The following ITGBL1 variants were observed in gnomAD, a reference collection of about 807,000 sequenced individuals.
The protein encoded by ITGBL1 is integrin beta-like protein 1.
Under a neutral mutation model 68.5 loss-of-function variants are expected in ITGBL1, and 51 were observed. That is an observed-to-expected ratio of 0.74 (90% CI 0.59 to 0.94). ITGBL1 has a LOEUF of 0.94. ITGBL1 is among the 40% of genes least tolerant of loss of function. The probability of loss-of-function intolerance (pLI) is 0.00; values close to 1 mark genes in which losing one functional copy is unlikely to be tolerated. For synonymous variants in ITGBL1, 209 were observed against 227.3 expected, an observed-to-expected ratio of 0.92 and a Z score of 0.72; for missense variants, 649 against 647.4, an observed-to-expected ratio of 1.00 and a Z score of -0.03.
chr13:101,571,039 A>G (rs1292722453), intron 3 of ITGBL1, among the ~76,000 whole-genome samples: 2 of 152,166 alleles, frequency 1.3e-5, no homozygotes, highest in Non-Finnish European at 2.9e-5. Context: ...ATGTACACAT[A>G]CACATACATG....
At chr13:101,587,808 T>G (rs971947271) in intron 6 of ITGBL1, among the ~76,000 whole-genome samples, 1 of 152,136 alleles carries the variant, frequency 6.6e-6, no homozygotes, top group African/African-American at 2.4e-5. Context: ...CAGACCACAT[T>G]TTCTTGAAAG....
chr13:101,665,126 G>C (rs2033183870), intron 7 of ITGBL1, among the ~76,000 whole-genome samples: 2 of 152,100 alleles, frequency 1.3e-5, no homozygotes, highest in Non-Finnish European at 2.9e-5. Flanking sequence ...CAAGGCTTTG[G>C]CTATTTGTAT....
At chr13:101,504,614 C>T (rs1729630700) in intron 2 of ITGBL1, among the ~76,000 whole-genome samples, 1 of 152,132 alleles carries the variant, frequency 6.6e-6, no homozygotes, top group Non-Finnish European at 1.5e-5. Context: ...TTAATTGAAA[C>T]ACGGCCTGTA....
chr13:101,494,859 T>C (rs776825738), intron 2 of ITGBL1, among the ~76,000 whole-genome samples: 32 of 152,204 alleles, frequency 2.1e-4, no homozygotes, highest in Non-Finnish European at 3.7e-4. Context: ...GTTAGGTTGA[T>C]GATATTATAA....
intron 4 of ITGBL1, among the ~76,000 whole-genome samples, chr13:101,578,608 G>A (rs975392691): frequency 5.3e-5 from 8 of 152,166 alleles, no homozygotes; most frequent in Admixed American, 4.6e-4. Context: ...AGAGGTGGGA[G>A]CTGAAAGAGG....
intron 2 of ITGBL1, among the ~76,000 whole-genome samples, chr13:101,465,183 A>G (rs922741990): frequency 4.6e-5 from 7 of 152,216 alleles, no homozygotes; most frequent in African/African-American, 1.7e-4. Flanking sequence ...AAGAGAAAAC[A>G]GCTTCTTTTC....
Position 101,703,534 on chromosome 13 carries a change from G to A in ITGBL1, c.1133-3222G>A, listed in dbSNP as rs1476323256. 3.9e-5 allele frequency among the ~76,000 whole-genome samples: 6 copies of A among 152,298 alleles called. No individual in the cohort carries two copies. The East Asian group carries it at 1.2e-3, about 29-fold the overall frequency. ...AAGTTATACGGGACTAAATATCAAG[G>A]CAAGTTGTGCTGTAGGAATCTACGA... On this transcript the variant is annotated intron_variant, in intron 8 of 10. Transcript: ENST00000376180.
At chr13:101,481,135 C>CAT (rs1403719962) in intron 2 of ITGBL1, among the ~76,000 whole-genome samples, 1 of 141,016 alleles carries the variant, frequency 7.1e-6, no homozygotes, top group African/African-American at 2.6e-5. Flanking sequence ...TACACATGTG[C>CAT]ATATATATAT....
At chr13:101,706,947 CATG>C (rs759256567) in intron 9 of ITGBL1, 45 bp downstream of exon 9, 12 of 1,586,962 alleles carry the variant, frequency 7.6e-6, no homozygotes, top group African/African-American at 1.3e-5. Context: ...TGTTCTGACA[CATG>C]ATTTGTAGAA....
At chr13:101,685,895 G>A (rs2033743524) in intron 7 of ITGBL1, among the ~76,000 whole-genome samples, 1 of 151,954 alleles carries the variant, frequency 6.6e-6, no homozygotes, top group African/African-American at 2.4e-5. Flanking sequence ...ATAGAAGAAA[G>A]TATTTCCCAA....
chr13:101,707,870 AAAG>A, intron 9 of ITGBL1, among the ~76,000 whole-genome samples: 1 of 151,938 alleles, frequency 6.6e-6, no homozygotes, highest in Admixed American at 6.5e-5. Flanking sequence ...AAAAAAAAAA[AAAG>A]GTAATAATTA....
intron 2 of ITGBL1, among the ~76,000 whole-genome samples, chr13:101,564,796 TA>T (rs559711728): frequency 1.2e-3 from 177 of 151,104 alleles, no homozygotes; most frequent in Non-Finnish European, 8.8e-4. Flanking sequence ...TAGTCATATA[TA>T]AAAAATGACT....
intron 5 of ITGBL1, among the ~76,000 whole-genome samples, chr13:101,582,601 A>C (rs147841388): frequency 2.4e-4 from 37 of 152,234 alleles, no homozygotes; most frequent in African/African-American, 7.7e-4. Context: ...TGATCTAGCA[A>C]ACCTTACTTC....
At chr13:101,564,466 A>G (rs1489064597) in intron 2 of ITGBL1, among the ~76,000 whole-genome samples, 3 of 151,700 alleles carry the variant, frequency 2.0e-5, no homozygotes, top group African/African-American at 7.2e-5. Flanking sequence ...CATTTGTGAC[A>G]ATGAACTTCT....
chr13:101,509,564 A>G (rs1477211706), intron 2 of ITGBL1, among the ~76,000 whole-genome samples: 1 of 152,158 alleles, frequency 6.6e-6, no homozygotes, highest in African/African-American at 2.4e-5. Flanking sequence ...GATTGTTTCA[A>G]TATTAACCGA....
At chr13:101,460,149 C>G (rs945119146) in intron 2 of ITGBL1, among the ~76,000 whole-genome samples, 3 of 152,078 alleles carry the variant, frequency 2.0e-5, no homozygotes, top group Non-Finnish European at 2.9e-5. Flanking sequence ...CTTCCTTGCC[C>G]ACTCCTTCAC....
intron 7 of ITGBL1, among the ~76,000 whole-genome samples, chr13:101,636,590 T>C (rs1191884671): frequency 6.6e-6 from 1 of 152,206 alleles, no homozygotes; most frequent in Non-Finnish European, 1.5e-5. Context: ...GGAACCTTCT[T>C]ATTGACTTTC....
In ITGBL1 at chr13:101,534,576, A is replaced by G. The variant is rs187265834; in HGVS notation, c.317-33123A>G. 1.5e-3 allele frequency among the ~76,000 whole-genome samples: 221 copies of G among 152,306 alleles called. 1 individual carries two copies. Among genetic ancestry groups the G allele is most frequent in the African/African-American group, 4.7e-3 (195 of 41,580 alleles). On this transcript the variant is annotated intron_variant, in intron 2 of 10. Transcript: ENST00000376180. ...GGGTCAGTGCAGAGGTTGGACAGTCACAACTGACAGGACCAGTGAGAAGAA... is the reference window on the plus strand; with the variant it reads ...GGGTCAGTGCAGAGGTTGGACAGTCGCAACTGACAGGACCAGTGAGAAGAA...
intron 2 of ITGBL1, among the ~76,000 whole-genome samples, chr13:101,507,884 T>C (rs2049051271): frequency 6.6e-6 from 1 of 152,224 alleles, no homozygotes; most frequent in Admixed American, 6.5e-5. Flanking sequence ...ACATAGGGCA[T>C]TGCTCGCAAG....
Sources: allele counts gnomAD v4.1 joint callset (sites outside exome capture counted in the v4.1 genomes callset), GRCh38; gene constraint gnomAD v4.1.1; transcripts MANE v1.5; gene names NCBI Gene and HGNC (gene_info 2026-07-23, HGNC 2026-07-21).